Variants in MAP6 observed in about 807,000 individuals in gnomAD.
The protein encoded by MAP6 is microtubule-associated protein 6.
Under a neutral mutation model 42.4 loss-of-function variants are expected in MAP6, and 26 were observed. The observed-to-expected ratio is 0.61, with a 90% confidence interval of 0.45 to 0.85. The LOEUF is 0.85. Ranked by LOEUF, MAP6 falls within the 40% of genes least tolerant of loss-of-function variation. The pLI, the probability that MAP6 is intolerant of heterozygous loss-of-function variation, is 0.00. For synonymous variants in MAP6, 418 were observed against 443.8 expected, an observed-to-expected ratio of 0.94 and a Z score of 0.73; for missense variants, 966 against 1,099.0, an observed-to-expected ratio of 0.88 and a Z score of 1.71.
intron 3 of MAP6, among the ~76,000 whole-genome samples, chr11:75,593,787 G>A (rs553524473): frequency 1.6e-4 from 25 of 152,308 alleles, no homozygotes; most frequent in African/African-American, 5.5e-4. Flanking sequence ...GGTGCCAGAC[G>A]TTTTAAGATC....
chr11:75,646,751 G>T (rs954951924), intron 1 of MAP6, among the ~76,000 whole-genome samples: 17 of 152,028 alleles, frequency 1.1e-4, no homozygotes, highest in African/African-American at 3.6e-4. Context: ...GGTGAGCCGA[G>T]ATGGCACCAC....
chr11:75,603,435 G>A (rs1026678410), intron 3 of MAP6: 13 of 985,658 alleles, frequency 1.3e-5, no homozygotes, highest in Non-Finnish European at 1.6e-5. Flanking sequence ...GAAGTCTCTT[G>A]CCAGTAAAGT....
intron 1 of MAP6, 51 bp from the exon 2 acceptor site, chr11:75,608,373 C>T: frequency 6.8e-7 from 1 of 1,467,358 alleles, no homozygotes; most frequent in Non-Finnish European, 9.5e-7. Context: ...TGCCTGGAAG[C>T]AGAGCTCCTG....
intron 3 of MAP6, among the ~76,000 whole-genome samples, chr11:75,599,675 G>GCA (rs1195339967): frequency 6.6e-6 from 1 of 152,198 alleles, no homozygotes; most frequent in Non-Finnish European, 1.5e-5. Flanking sequence ...CCAGAGTGTG[G>GCA]CACTGTGGGG....
chr11:75,620,714 C>A lies in MAP6; in HGVS notation c.906-12392G>T, dbSNP rs570087264. Among the ~76,000 whole-genome samples, 12 of 152,246 alleles carry A rather than the reference C, an allele frequency of 7.9e-5. No homozygotes were observed. In the South Asian group the frequency reaches 2.3e-3, roughly 29 times the overall value. On this transcript the variant is annotated intron_variant, in intron 1 of 3. Transcript: ENST00000304771. ...ACATAAAAAGATTTAAACACCAGGA[C>A]AAAGTAAAGTTTATCCCAGGAGTAC...
intron 1 of MAP6, among the ~76,000 whole-genome samples, chr11:75,616,709 C>G (rs1253368643): frequency 6.6e-6 from 1 of 152,142 alleles, no homozygotes; most frequent in Non-Finnish European, 1.5e-5. Context: ...ATGACTGGGC[C>G]GAGAGAGGAG....
chr11:75,640,609 T>G (rs1167364583), intron 1 of MAP6, among the ~76,000 whole-genome samples: 1 of 152,050 alleles, frequency 6.6e-6, no homozygotes, highest in Non-Finnish European at 1.5e-5. Flanking sequence ...ATATCCAGAA[T>G]CTACAATGAA....
At chr11:75,591,401 G>T (rs1255873136) in intron 3 of MAP6, among the ~76,000 whole-genome samples, 1 of 152,158 alleles carries the variant, frequency 6.6e-6, no homozygotes, top group Non-Finnish European at 1.5e-5. Flanking sequence ...GCACGCAAGG[G>T]CACCGTGAAA....
chr11:75,625,923 T>G (rs532701158), intron 1 of MAP6, among the ~76,000 whole-genome samples: 2 of 152,236 alleles, frequency 1.3e-5, no homozygotes, highest in East Asian at 3.9e-4. Flanking sequence ...ACAGCCCACT[T>G]CTGTAGGCCC....
intron 1 of MAP6, among the ~76,000 whole-genome samples, chr11:75,660,458 T>C (rs1359286580): frequency 6.6e-6 from 1 of 152,200 alleles, no homozygotes; most frequent in Non-Finnish European, 1.5e-5. Context: ...CTATTTTCCC[T>C]GTTCCAGTGA....
intron 3 of MAP6, chr11:75,603,405 G>C: frequency 1.0e-6 from 1 of 985,744 alleles, no homozygotes; most frequent in Non-Finnish European, 1.2e-6. Flanking sequence ...AGTTTTATTT[G>C]TAAACAGTAG....
intron 1 of MAP6, among the ~76,000 whole-genome samples, chr11:75,620,298 C>T (rs1242643515): frequency 6.6e-6 from 1 of 151,940 alleles, no homozygotes; most frequent in Non-Finnish European, 1.5e-5. Context: ...GGTGAAATCC[C>T]ATCTCTATGA....
At chr11:75,620,443 C>T (rs1943087113) in intron 1 of MAP6, among the ~76,000 whole-genome samples, 1 of 148,378 alleles carries the variant, frequency 6.7e-6, no homozygotes, top group Admixed American at 6.8e-5. Flanking sequence ...TGCACTCCAG[C>T]CTGTGTGACA....
intron 1 of MAP6, among the ~76,000 whole-genome samples, chr11:75,662,507 AG>A (rs1448861069): frequency 6.6e-6 from 1 of 152,248 alleles, no homozygotes; most frequent in African/African-American, 2.4e-5. Flanking sequence ...TTTTTTCCCA[AG>A]TAAAGCTTGC....
At chr11:75,625,950 G>A (rs184474940) in intron 1 of MAP6, among the ~76,000 whole-genome samples, 8 of 152,182 alleles carry the variant, frequency 5.3e-5, no homozygotes, top group Non-Finnish European at 1.0e-4. Flanking sequence ...TCCCACTCTC[G>A]TCCTCTGAGT....
At chr11:75,603,184 G>C (rs1942697178) in intron 3 of MAP6, 17 of 985,404 alleles carry the variant, frequency 1.7e-5, no homozygotes, top group Non-Finnish European at 1.9e-5. Context: ...GCAGCTCTTG[G>C]GGCTGCTTTT....
chr11:75,604,597 G>GTT (rs113818263), intron 3 of MAP6: 49 of 914,730 alleles, frequency 5.4e-5, no homozygotes, highest in Non-Finnish European at 6.0e-5. Context: ...AAGCACTGGG[G>GTT]TTTTTTTTTT....
At chr11:75,592,411 G>C (rs1349778010) in intron 3 of MAP6, among the ~76,000 whole-genome samples, 1 of 152,190 alleles carries the variant, frequency 6.6e-6, no homozygotes, top group African/African-American at 2.4e-5. Context: ...AGTTATTGTT[G>C]CTGAAAGCTG....
At chr11:75,607,680 T>C (rs1020810170) in intron 2 of MAP6, 3 of 984,942 alleles carry the variant, frequency 3.0e-6, no homozygotes, top group African/African-American at 1.8e-5. Context: ...GGTCCAGTGA[T>C]TGGAGCCAAG....
Sources: gnomAD v4.1 joint callset for allele counts (sites outside exome capture counted in the v4.1 genomes callset) on GRCh38, gnomAD v4.1.1 for gene constraint, MANE v1.5 for transcripts, NCBI Gene and HGNC (gene_info 2026-07-23, HGNC 2026-07-21) for gene names.